BPIFB3: variants seen among roughly 807,000 people sequenced by gnomAD.
BPIFB3 encodes BPI fold-containing family B member 3.
In BPIFB3, 49 loss-of-function variants were observed where a neutral mutation model predicts 53.1. The observed-to-expected ratio is 0.92, with a 90% CI of 0.73 to 1.17. The LOEUF (loss-of-function observed/expected upper bound fraction) is 1.17, where lower values mean the gene tolerates loss of function less well. Among genes scored for constraint, BPIFB3 ranks in the 50% most tolerant of loss-of-function variants. The pLI is 0.00. For synonymous variants in BPIFB3, 271 were observed against 269.6 expected (o/e 1.01, Z -0.05); for missense variants, 628 against 592.5 (o/e 1.06, Z -0.62).
chr20:33,065,704 T>C (rs1568995163), intron 8 of BPIFB3, among the ~76,000 whole-genome samples: 1 of 152,202 alleles, frequency 6.6e-6, no homozygotes, highest in African/African-American at 2.4e-5. Flanking sequence ...TTCCATTCTG[T>C]CCATTCTGGC....
At chr20:33,056,460 C>T (rs1980208263) in intron 1 of BPIFB3, 82 bp from the exon 3 acceptor site, 1 of 1,526,284 alleles carries the variant, frequency 6.6e-7, no homozygotes, top group Non-Finnish European at 9.0e-7. Context: ...CCTACTCAAT[C>T]TCAGAGGAAG....
chr20:33,063,914 A>G (rs1477931994), intron 6 of BPIFB3, among the ~76,000 whole-genome samples: 1 of 152,202 alleles, frequency 6.6e-6, no homozygotes, highest in African/African-American at 2.4e-5. Flanking sequence ...CTGCAGACCA[A>G]CACTTACTGA....
At chr20:33,057,562 C>T (rs752187973) in intron 2 of BPIFB3, among the ~76,000 whole-genome samples, 46 of 47,384 alleles carry the variant, frequency 9.7e-4, no homozygotes, top group African/African-American at 5.9e-3. Flanking sequence ...GATTCCAGAA[C>T]ACTGTTACCA....
At chr20:33,062,963 A>G (rs1362605174) in intron 5 of BPIFB3, among the ~76,000 whole-genome samples, 3 of 152,138 alleles carry the variant, frequency 2.0e-5, no homozygotes, top group Non-Finnish European at 4.4e-5. Flanking sequence ...TGGACAGGCC[A>G]CCTTCTTCTC....
At chr20:33,060,289 G>A (rs144730234) in intron 4 of BPIFB3, among the ~76,000 whole-genome samples, 19 of 152,292 alleles carry the variant, frequency 1.2e-4, no homozygotes, top group East Asian at 1.9e-4. Flanking sequence ...GGATCCTGCC[G>A]TCCCCTCTCC....
At chr20:33,059,777 G>A in intron 3 of BPIFB3, 114 bp from the exon 5 acceptor site, 2 of 1,422,890 alleles carry the variant, frequency 1.4e-6, no homozygotes, top group Admixed American at 2.1e-5. Flanking sequence ...GGGCAGGGAG[G>A]CAGAGGCTGA....
chr20:33,061,770 T>A, exon 5 of BPIFB3: 1 of 1,614,202 alleles, frequency 6.2e-7, no homozygotes, highest in Non-Finnish European at 8.5e-7. Flanking sequence ...CTGCTCAGGC[T>A]GCTGCCCACA....
In BPIFB3 at chr20:33,072,626, G is replaced by A. The variant is rs1183065797; in HGVS notation, c.1325-91G>A. On this transcript the variant is annotated intron_variant, in intron 13 of 14. Transcript: ENST00000375494. ...AGAGAACTGGCTGGCTAGTGAAAGT[G>A]ATGGAATAGGGTCAGCAGGGTCCGA... 8 of 1,073,100 alleles carry A rather than the reference G, an allele frequency of 7.5e-6. 1 individual carries two copies. The East Asian group carries it at 1.2e-4, about 16-fold the overall frequency. The allele number at this position is 1,073,100 out of a possible 1,614,324, so 66.5% of individuals were successfully genotyped here.
chr20:33,064,501 G>A, exon 7 of BPIFB3: 1 of 1,614,032 alleles, frequency 6.2e-7, no homozygotes, highest in Non-Finnish European at 8.5e-7. Flanking sequence ...ATTCTCTCTG[G>A]CCACATTGCC....
chr20:33,061,871 G>C (rs1194519908), intron 5 of BPIFB3, 40 bp downstream of exon 6: 2 of 1,608,046 alleles, frequency 1.2e-6, no homozygotes, highest in Admixed American at 3.3e-5. Context: ...CCTCTCCCAG[G>C]ACTGGGCCTC....
intron 6 of BPIFB3, among the ~76,000 whole-genome samples, chr20:33,063,938 G>A (rs1281331663): frequency 6.6e-6 from 1 of 152,110 alleles, no homozygotes; most frequent in Non-Finnish European, 1.5e-5. Context: ...CCTAGTGTGC[G>A]CTTGGCACTG....
chr20:33,071,629 C>T (rs989130924), intron 12 of BPIFB3, among the ~76,000 whole-genome samples: 6 of 152,242 alleles, frequency 3.9e-5, no homozygotes, highest in South Asian at 2.1e-4. Flanking sequence ...ATAAATTTCC[C>T]GAACTCAGCA....
rs551845368 is a variant in BPIFB3, at chr20:33,070,504, G to A, written c.1217+549G>A. The stretch of plus-strand genomic sequence containing the variant: ...AGTACTTTACAGTTTGCAAAACGCC[G>A]TGCTGGCCCAGGCTCACACGGCAGG... On this transcript the variant is annotated intron_variant, in intron 11 of 14. Transcript: ENST00000375494. 2.6e-5 allele frequency among the ~76,000 whole-genome samples: 4 copies of A among 152,330 alleles called. No homozygotes were observed. The South Asian group carries it at 6.2e-4, about 24-fold the overall frequency.
At chr20:33,064,957 A>G in intron 8 of BPIFB3, 112 bp downstream of exon 9, 1 of 1,202,054 alleles carries the variant, frequency 8.3e-7, no homozygotes, top group Non-Finnish European at 1.1e-6. Context: ...CCTCTCTATA[A>G]TAAAAGGGAG....
intron 9 of BPIFB3, among the ~76,000 whole-genome samples, chr20:33,068,066 C>T (rs1980737534): frequency 6.6e-6 from 1 of 152,202 alleles, no homozygotes; most frequent in African/African-American, 2.4e-5. Context: ...AGCGTATATC[C>T]ACTGAGCACC....
intron 12 of BPIFB3, among the ~76,000 whole-genome samples, 175 bp from the exon 14 acceptor site, chr20:33,071,928 GT>G (rs1177535708): frequency 1.3e-5 from 2 of 152,190 alleles, no homozygotes; most frequent in Non-Finnish European, 2.9e-5. Flanking sequence ...GAGGTCACTG[GT>G]GGACAGCCCA....
chr20:33,070,801 T>G (rs956236203), intron 11 of BPIFB3, among the ~76,000 whole-genome samples: 1 of 152,244 alleles, frequency 6.6e-6, no homozygotes, highest in Non-Finnish European at 1.5e-5. Flanking sequence ...CACTTCCTGA[T>G]GGCAGTTCAC....
chr20:33,061,723 C>T, intron 4 of BPIFB3, 45 bp from the exon 6 acceptor site: 2 of 1,590,906 alleles, frequency 1.3e-6, no homozygotes, highest in Non-Finnish European at 1.7e-6. Context: ...CTGGGTTGAA[C>T]CGTCCACCTG....
chr20:33,069,747 C>T, intron 10 of BPIFB3, 141 bp from the exon 12 acceptor site: 5 of 799,188 alleles, frequency 6.3e-6, no homozygotes, highest in Non-Finnish European at 8.4e-6. Flanking sequence ...TTCAAATTAC[C>T]TTCTCAGGGC....
Sources: allele counts gnomAD v4.1 joint callset (sites outside exome capture counted in the v4.1 genomes callset), GRCh38; gene constraint gnomAD v4.1.1; transcripts MANE v1.5; gene names NCBI Gene and HGNC (gene_info 2026-07-23, HGNC 2026-07-21).